Variants in SLCO1A2 observed in about 807,000 individuals in gnomAD.
SLCO1A2 encodes the protein solute carrier organic anion transporter family member 1A2.
Under a neutral mutation model 69.0 loss-of-function variants are expected in SLCO1A2, and 67 were observed. The observed-to-expected ratio is 0.97, with a 90% CI of 0.80 to 1.19. SLCO1A2 has a LOEUF of 1.19. Ranked by LOEUF, SLCO1A2 falls within the 50% of genes most tolerant of loss-of-function variation. The probability of loss-of-function intolerance (pLI) is 0.00; values close to 1 mark genes in which losing one functional copy is unlikely to be tolerated. For missense variants in SLCO1A2, 787 were observed against 793.7 expected (o/e 0.99, Z 0.10); for synonymous variants, 260 against 265.9 (o/e 0.98, Z 0.22).
intron 14 of SLCO1A2, among the ~76,000 whole-genome samples, chr12:21,273,567 A>T (rs1216056749): frequency 6.6e-6 from 1 of 152,164 alleles, no homozygotes; most frequent in Non-Finnish European, 1.5e-5. Flanking sequence ...TGTCTTAAGC[A>T]CCATTTAATT....
At position 21,395,379 on chromosome 12, in the gene SLCO1A2, T is replaced by C. The variant is rs369175041; in HGVS notation, c.-663A>G. ...CCTGGCTCGGAGGGTCCTACGCCCATGGAGTCTCGCTGATTGCTAGCACAG... is the reference window on the plus strand; with the variant it reads ...CCTGGCTCGGAGGGTCCTACGCCCACGGAGTCTCGCTGATTGCTAGCACAG... On this transcript the variant is annotated 5_prime_UTR_variant, in exon 1 of 16. Coordinates refer to the SLCO1A2 transcript ENST00000307378. 8.2e-3 allele frequency: 1,255 copies of C among 153,336 alleles called. 6 individuals are homozygous for C. The highest frequency in any genetic ancestry group is 0.017 in the African/African-American group (714 of 41,576). The allele number at this position is 153,336 out of a possible 1,614,324, so 9.5% of individuals were successfully genotyped here. A position where few individuals can be genotyped will look rare whatever the true frequency, so the allele number is the denominator to read the frequency against.
At chr12:21,385,122 T>C (rs1369069139) in intron 1 of SLCO1A2, among the ~76,000 whole-genome samples, 1 of 152,172 alleles carries the variant, frequency 6.6e-6, no homozygotes, top group East Asian at 1.9e-4. Flanking sequence ...GATTATCATA[T>C]AAATATATAA....
chr12:21,346,826 C>A (rs766247379), intron 2 of SLCO1A2, among the ~76,000 whole-genome samples: 1 of 152,144 alleles, frequency 6.6e-6, no homozygotes, highest in African/African-American at 2.4e-5. Context: ...ATACATACAC[C>A]ATTGGTGCCA....
chr12:21,302,499 T>C (rs1948833367), intron 6 of SLCO1A2, among the ~76,000 whole-genome samples: 1 of 152,144 alleles, frequency 6.6e-6, no homozygotes, highest in Admixed American at 6.6e-5. Context: ...TCAGTATATA[T>C]ATGTTCTTCC....
chr12:21,319,073 C>A lies in SLCO1A2; in HGVS notation c.61-150G>T. ...AAGAAACTGTAAAGTGTAGTCTGCT[C>A]CTTTTGTCTGTCATACTGTGATTTC... is the stretch of plus-strand genomic sequence containing the variant. On this transcript the variant is annotated intron_variant, in intron 2 of 14. Transcript: ENST00000683939. 1.1e-5 allele frequency: 8 copies of A among 708,460 alleles called. No homozygotes were observed. In the Admixed American group the frequency reaches 2.4e-4, roughly 21 times the overall value. 43.9% of individuals were successfully genotyped at this position (708,460 alleles called of 1,614,324 possible). A position where few individuals can be genotyped will look rare whatever the true frequency, so the allele number is the denominator to read the frequency against.
rs535673276 is a variant in SLCO1A2 at position 21,303,249 on chromosome 12, C to T, written c.589+1178G>A. ...ATATGTATAGAGATTATCACAGCTA[C>T]ATTTACATATAATACACCATAGTAT... On this transcript the variant is annotated intron_variant, in intron 6 of 14. Transcript: ENST00000683939. Among the ~76,000 whole-genome samples the T allele has an allele frequency of 2.0e-5, 3 of 152,250 alleles. No homozygotes were observed. The South Asian group carries it at 6.2e-4, about 31-fold the overall frequency.
chr12:21,288,373 G>A (rs995634757), intron 12 of SLCO1A2, among the ~76,000 whole-genome samples: 7 of 152,064 alleles, frequency 4.6e-5, no homozygotes, highest in Admixed American at 3.3e-4. Flanking sequence ...CCAGGGAGGC[G>A]GAGGTTGCAG....
intron 2 of SLCO1A2, chr12:21,319,604 C>T (rs111435657): frequency 5.9e-6 from 3 of 506,120 alleles, no homozygotes; most frequent in South Asian, 3.8e-5. Context: ...GAGGACCACA[C>T]AAAAATGAGA....
intron 4 of SLCO1A2, among the ~76,000 whole-genome samples, chr12:21,311,425 A>G (rs2169883): frequency 0.056 from 8,459 of 152,066 alleles, 592 homozygotes; most frequent in East Asian, 0.35. Flanking sequence ...ATCACTATTT[A>G]TAACAGCAAT....
At chr12:21,318,288 T>G in intron 3 of SLCO1A2, among the ~76,000 whole-genome samples, 1 of 151,968 alleles carries the variant, frequency 6.6e-6, no homozygotes, top group Admixed American at 6.6e-5. Context: ...CCGGCCAATT[T>G]GTTTGTATTT....
At chr12:21,334,794 A>G in intron 1 of SLCO1A2, 33 bp downstream of exon 1, 1 of 620,036 alleles carries the variant, frequency 1.6e-6, no homozygotes, top group Non-Finnish European at 2.7e-6. Context: ...AAAATGAACA[A>G]CATAATTGAA....
chr12:21,265,179 A>G lies in SLCO1A2; in HGVS notation c.*4369T>C, dbSNP rs1345929348. Reference sequence around the variant, plus strand: ...TGTCACCTTATTTCCTAATGAATTCATGTGTTTTTCCGTAAGTTGTTTTCA... The same window carrying G: ...TGTCACCTTATTTCCTAATGAATTCGTGTGTTTTTCCGTAAGTTGTTTTCA... On this transcript the variant is annotated 3_prime_UTR_variant, in exon 15 of 15. Coordinates refer to ENST00000683939, the MANE Select transcript of SLCO1A2 (RefSeq NM_001386879.1). 6.6e-6 allele frequency: 1 copy of G among 152,252 alleles called. No homozygotes were observed. Among genetic ancestry groups the G allele is most frequent in the Admixed American group, 6.6e-5 (1 of 15,262 alleles). 9.4% of individuals were successfully genotyped at this position (152,252 alleles called of 1,614,324 possible). A position where few individuals can be genotyped will look rare whatever the true frequency, so the allele number is the denominator to read the frequency against.
At chr12:21,330,291 G>A (rs10743412) in intron 2 of SLCO1A2, among the ~76,000 whole-genome samples, 47,837 of 151,836 alleles carry the variant, frequency 0.32, 7,682 homozygotes, top group East Asian at 0.35. Context: ...CTAGGTGTTC[G>A]AGACCAGCCT....
chr12:21,344,367 C>T (rs1953185969), intron 2 of SLCO1A2, among the ~76,000 whole-genome samples: 1 of 152,068 alleles, frequency 6.6e-6, no homozygotes, highest in Non-Finnish European at 1.5e-5. Flanking sequence ...TACAGTAGTT[C>T]ACCTGACTCA....
intron 2 of SLCO1A2, among the ~76,000 whole-genome samples, chr12:21,322,535 T>G (rs1324380706): frequency 1.3e-5 from 2 of 152,170 alleles, no homozygotes; most frequent in African/African-American, 4.8e-5. Context: ...TGGCAATTGG[T>G]TGGAAGAGTT....
At chr12:21,321,957 T>C (rs1360523368) in intron 2 of SLCO1A2, among the ~76,000 whole-genome samples, 3 of 152,170 alleles carry the variant, frequency 2.0e-5, no homozygotes, top group African/African-American at 7.2e-5. Context: ...ACAGGAGCCA[T>C]ATGTTATTTA....
Position 21,317,359 on chromosome 12 carries a change from T to C in SLCO1A2, c.202+1423A>G, listed in dbSNP as rs76390758. Among the ~76,000 whole-genome samples the C allele has an allele frequency of 4.5e-3, 678 of 152,320 alleles. 12 individuals are homozygous for C. The highest frequency in any genetic ancestry group is 0.016 in the African/African-American group (650 of 41,566). On this transcript the variant is annotated intron_variant, in intron 3 of 14. Coordinates refer to ENST00000683939, the MANE Select transcript of SLCO1A2 (RefSeq NM_001386879.1). ...TGAATGTTGCTTCTCACATAGGCTATTGCACTGCATCCTTCTTAGGCTTTT... is the reference window on the plus strand; with the variant it reads ...TGAATGTTGCTTCTCACATAGGCTACTGCACTGCATCCTTCTTAGGCTTTT...
intron 2 of SLCO1A2, among the ~76,000 whole-genome samples, chr12:21,327,195 A>AGTAAAGAATTG (rs1322658599): frequency 6.6e-6 from 1 of 152,188 alleles, no homozygotes; most frequent in Non-Finnish European, 1.5e-5. Context: ...GGTGCATAAA[A>AGTAAAGAATTG]GTAAAGAATT....
intron 1 of SLCO1A2, chr12:21,378,449 ATTGTT>A: frequency 6.3e-7 from 1 of 1,574,854 alleles, no homozygotes; most frequent in African/African-American, 1.3e-5. Context: ...CTCTATAGTT[ATTGTT>A]TTATGTTCTA....
Sources: allele counts gnomAD v4.1 joint callset (sites outside exome capture counted in the v4.1 genomes callset), GRCh38; gene constraint gnomAD v4.1.1; transcripts MANE v1.5; gene names NCBI Gene and HGNC (gene_info 2026-07-23, HGNC 2026-07-21).